Variants in GALNT8 observed in about 807,000 individuals in gnomAD.
GALNT8 encodes the protein polypeptide N-acetylgalactosaminyltransferase 8.
In GALNT8, 66 loss-of-function variants were observed where a neutral mutation model predicts 62.7. The observed-to-expected ratio is 1.05, with a 90% confidence interval of 0.86 to 1.29. The LOEUF (loss-of-function observed/expected upper bound fraction) is 1.29. Ranked by LOEUF, GALNT8 falls within the 50% of genes most tolerant of loss-of-function variation. The pLI, the probability that GALNT8 is intolerant of heterozygous loss-of-function variation, is 0.00. For synonymous variants in GALNT8, 288 were observed against 294.3 expected (o/e 0.98, Z 0.22); for missense variants, 771 against 791.8 (o/e 0.97, Z 0.32).
At position 4,726,007 on chromosome 12, in the gene GALNT8, C is replaced by T; in HGVS notation, c.212-525C>T. On this transcript the variant is annotated intron_variant, in intron 1 of 10. Transcript: ENST00000252318. The surrounding 1 kb of genome is among the most constrained non-coding windows in gnomAD (Gnocchi z 4.1). ...TTAGGTTAGATTTGCCTTTGTTAGG[C>T]ACTAATGGTGTAGTAAGTGTTTCTT... 6.6e-6 allele frequency among the ~76,000 whole-genome samples: 1 copy of T among 152,132 alleles called. No individual in the cohort carries two copies. The highest frequency in any genetic ancestry group is 1.9e-4 in the East Asian group (1 of 5,196).
intron 9 of GALNT8, 109 bp downstream of exon 9, chr12:4,764,156 C>T (rs370818039): frequency 6.7e-6 from 5 of 747,652 alleles, no homozygotes; most frequent in Non-Finnish European, 1.0e-5. Flanking sequence ...GAGGCAGGAG[C>T]GGAGCATCCT....
At chr12:4,739,822 A>G (rs4766285) in intron 3 of GALNT8, among the ~76,000 whole-genome samples, 120,453 of 151,568 alleles carry the variant, frequency 0.79, 48,229 homozygotes, top group Non-Finnish European at 0.82. Flanking sequence ...CTACCACCTC[A>G]CCCAGCTTAT....
intron 10 of GALNT8, among the ~76,000 whole-genome samples, chr12:4,767,701 A>T (rs937754228): frequency 6.6e-6 from 1 of 152,246 alleles, no homozygotes; most frequent in Admixed American, 6.5e-5. Flanking sequence ...CATCTGGCAG[A>T]CCTAGGGTGC....
At chr12:4,741,629 T>C (rs538240207) in intron 3 of GALNT8, among the ~76,000 whole-genome samples, 3 of 151,912 alleles carry the variant, frequency 2.0e-5, no homozygotes, top group South Asian at 4.2e-4. Context: ...CTATGTTCCA[T>C]GGGGTGTAGA....
chr12:4,758,112 G>A (rs1250317615), intron 6 of GALNT8, among the ~76,000 whole-genome samples: 1 of 152,082 alleles, frequency 6.6e-6, no homozygotes. Flanking sequence ...AATGGACTTT[G>A]CTTAAAATAT....
At chr12:4,727,961 C>T (rs1246479759) in intron 2 of GALNT8, among the ~76,000 whole-genome samples, 3 of 152,138 alleles carry the variant, frequency 2.0e-5, no homozygotes, top group African/African-American at 7.2e-5. Flanking sequence ...CAAAGTGACT[C>T]CATCATTTAA....
At chr12:4,747,624 A>G (rs745828224) in intron 6 of GALNT8, among the ~76,000 whole-genome samples, 8 of 152,046 alleles carry the variant, frequency 5.3e-5, no homozygotes, top group Non-Finnish European at 8.8e-5. Context: ...CTGTTGATGG[A>G]CACTTAGATT....
At chr12:4,733,775 C>G (rs1358862111) in intron 2 of GALNT8, among the ~76,000 whole-genome samples, 1 of 152,180 alleles carries the variant, frequency 6.6e-6, no homozygotes, top group East Asian at 1.9e-4. Flanking sequence ...GTGATTTTAT[C>G]CACTTACGAA....
intron 10 of GALNT8, among the ~76,000 whole-genome samples, chr12:4,766,207 T>C (rs1946399453): frequency 6.6e-6 from 1 of 151,794 alleles, no homozygotes; most frequent in Non-Finnish European, 1.5e-5. Context: ...CTGAGTCTCT[T>C]GACTAAGGCA....
chr12:4,746,374 C>G lies in GALNT8; in HGVS notation c.1173+116C>G, dbSNP rs1946299989. Reference sequence around the variant, plus strand: ...AATGTCATTGGCTCAAAGGTGGATACATTCTTATGTTTCTAGGCAACTGGG... The same window carrying G: ...AATGTCATTGGCTCAAAGGTGGATAGATTCTTATGTTTCTAGGCAACTGGG... On this transcript the variant is annotated intron_variant, in intron 6 of 10. Transcript: ENST00000252318. 3 of 686,546 alleles carry G rather than the reference C, an allele frequency of 4.4e-6. No homozygotes were observed. The African/African-American group carries it at 5.3e-5, about 12-fold the overall frequency. The allele number at this position is 686,546 out of a possible 1,614,324, so 42.5% of individuals were successfully genotyped here. A position where few individuals can be genotyped will look rare whatever the true frequency, so the allele number is the denominator to read the frequency against.
At chr12:4,728,289 T>A (rs2137519422) in intron 2 of GALNT8, among the ~76,000 whole-genome samples, 1 of 152,238 alleles carries the variant, frequency 6.6e-6, no homozygotes, top group Admixed American at 6.5e-5. Context: ...ATATCACTTG[T>A]TAATGATTTC....
In GALNT8 at chr12:4,745,438, A is replaced by C; in HGVS notation, c.870A>C (p.Pro290=). 6.2e-7 allele frequency: 1 copy of C among 1,609,172 alleles called. No homozygotes were observed. Residue 290 remains proline (P), a synonymous_variant, in exon 5 of 11, where the codon CCA becomes CCC. Coordinates refer to ENST00000252318, the MANE Select transcript of GALNT8 (RefSeq NM_017417.2). The part of the protein sequence containing the change: ...HIEVNVGWAE[P]ILARIQEDRT... ...CACACTCTTGTTCTAGGGCAGAGCC[A>C]ATCTTGGCTCGGATTCAGGAGGACC...
At chr12:4,744,893 G>T (rs886552836) in intron 4 of GALNT8, among the ~76,000 whole-genome samples, 193 bp downstream of exon 4, 2 of 152,216 alleles carry the variant, frequency 1.3e-5, no homozygotes, top group Non-Finnish European at 2.9e-5. Context: ...GGAGAGTATT[G>T]ACAGTTGGAT....
At chr12:4,746,592 G>C (rs1946301122) in intron 6 of GALNT8, among the ~76,000 whole-genome samples, 1 of 152,112 alleles carries the variant, frequency 6.6e-6, no homozygotes, top group African/African-American at 2.4e-5. Flanking sequence ...TCTCTAGAAG[G>C]CCAAAGACAG....
At chr12:4,752,850 G>A (rs1257539480) in intron 6 of GALNT8, among the ~76,000 whole-genome samples, 2 of 152,148 alleles carry the variant, frequency 1.3e-5, no homozygotes, top group Non-Finnish European at 2.9e-5. Flanking sequence ...ATTTCTTGTA[G>A]GATTGGTCTG....
rs557445080 is a variant in GALNT8, at chr12:4,742,824, T to C, written c.677-1693T>C. ...GCTGACCAGCCTGGGATAGCAGGCT[T>C]TGGGGAGGAGACCGGTAGGAGGGCA... On this transcript the variant is annotated intron_variant, in intron 3 of 10. Transcript: ENST00000252318. Among the ~76,000 whole-genome samples the C allele has an allele frequency of 9.9e-5, 15 of 151,942 alleles. No individual in the cohort carries two copies. The East Asian group carries it at 2.9e-3, about 30-fold the overall frequency.
At chr12:4,756,820 T>A (rs549082229) in intron 6 of GALNT8, among the ~76,000 whole-genome samples, 1 of 152,358 alleles carries the variant, frequency 6.6e-6, no homozygotes, top group African/African-American at 2.4e-5. Flanking sequence ...TAAGCCATAA[T>A]CATTCTTTGG....
rs546009136 is a variant in GALNT8 at position 4,749,625 on chromosome 12, T to C, written c.1173+3367T>C. ...ATTGGCCTGTAGTTTTCTTTTCTTT[T>C]TTTTTTTTAACGTGTCTTTGTCTTG... is the stretch of plus-strand genomic sequence containing the variant. On this transcript the variant is annotated intron_variant, in intron 6 of 10. Transcript: ENST00000252318. The surrounding 1 kb of genome is among the most constrained non-coding windows in gnomAD (Gnocchi z 4.1). 6.6e-6 allele frequency among the ~76,000 whole-genome samples: 1 copy of C among 152,036 alleles called. No individual in the cohort carries two copies. The highest frequency in any genetic ancestry group is 6.6e-5 in the Admixed American group (1 of 15,258).
chr12:4,771,740 G>C (rs1946425314), intron 10 of GALNT8, among the ~76,000 whole-genome samples: 1 of 152,110 alleles, frequency 6.6e-6, no homozygotes, highest in African/African-American at 2.4e-5. Flanking sequence ...GGAGAGAGAG[G>C]GCCGGGAGCA....
Sources: gnomAD v4.1 joint callset for allele counts (sites outside exome capture counted in the v4.1 genomes callset) on GRCh38, gnomAD v4.1.1 for gene constraint, Gnocchi (gnomAD v3.1) non-coding constraint, MANE v1.5 for transcripts, NCBI Gene and HGNC (gene_info 2026-07-23, HGNC 2026-07-21) for gene names.